The following NUBPL variants were observed in gnomAD, a reference collection of about 807,000 sequenced individuals.
NUBPL encodes iron-sulfur cluster transfer protein NUBPL.
In NUBPL, 31 loss-of-function variants were observed where a neutral mutation model predicts 45.7. The ratio of observed to expected loss-of-function variants is 0.68; its 90% CI spans 0.51 to 0.92. The LOEUF (loss-of-function observed/expected upper bound fraction) is 0.92, where lower values mean the gene tolerates loss of function less well. NUBPL is among the 40% of genes least tolerant of loss of function. The pLI, the probability that NUBPL is intolerant of heterozygous loss-of-function variation, is 0.00. For missense variants in NUBPL, 401 were observed against 398.7 expected (o/e 1.01, Z -0.05); for synonymous variants, 144 against 140.9 (o/e 1.02, Z -0.15).
At chr14:31,732,838 C>G (rs1017709139) in intron 6 of NUBPL, among the ~76,000 whole-genome samples, 4 of 152,088 alleles carry the variant, frequency 2.6e-5, no homozygotes, top group Admixed American at 2.6e-4. Context: ...TCTCGAACTC[C>G]TGACCTCAAA....
chr14:31,637,331 T>A (rs1436308521), intron 4 of NUBPL, among the ~76,000 whole-genome samples: 2 of 152,242 alleles, frequency 1.3e-5, no homozygotes, highest in Non-Finnish European at 1.5e-5. Flanking sequence ...TATTTCTACC[T>A]TCATTTCGTT....
chr14:31,705,920 G>C (rs2037440119), intron 6 of NUBPL, among the ~76,000 whole-genome samples: 1 of 152,176 alleles, frequency 6.6e-6, no homozygotes, highest in Non-Finnish European at 1.5e-5. Flanking sequence ...TGCTCACCTG[G>C]AACCCGCACT....
Position 31,787,842 on chromosome 14 carries a change from G to C in NUBPL, c.576G>C (p.Gln192His). The C allele has an allele frequency of 6.2e-7, 1 of 1,612,756 alleles. No individual in the cohort carries two copies. The highest frequency in any genetic ancestry group is 8.5e-7 in the Non-Finnish European group (1 of 1,178,826). Residue 192 changes from glutamine (Q) to histidine (H), a missense_variant, in exon 7 of 11, where the codon CAG (glutamine) becomes CAC (histidine). Physicochemically the swap from Gln to His is conservative, Grantham distance 24 (BLOSUM62 0). Transcript: ENST00000281081. ...TGCCACCAGGAACTGGAGATGTGCA[G>C]TTATCAGTCTCACAGAATATTCCTA... Reference protein sequence around the residue: ...VDMPPGTGDVQLSVSQNIPIT... With the variant: ...VDMPPGTGDVHLSVSQNIPIT...
intron 7 of NUBPL, among the ~76,000 whole-genome samples, chr14:31,820,954 C>G (rs934245956): frequency 1.3e-5 from 2 of 151,768 alleles, no homozygotes; most frequent in Non-Finnish European, 2.9e-5. Flanking sequence ...AACCCCATCT[C>G]TACTAAATAA....
At chr14:31,658,972 C>T (rs1265512700) in intron 4 of NUBPL, among the ~76,000 whole-genome samples, 1 of 152,084 alleles carries the variant, frequency 6.6e-6, no homozygotes, top group Non-Finnish European at 1.5e-5. Flanking sequence ...TAGAGGATAA[C>T]ATTTATTAAG....
At chr14:31,821,253 C>T (rs1451467894) in intron 7 of NUBPL, among the ~76,000 whole-genome samples, 1 of 152,052 alleles carries the variant, frequency 6.6e-6, no homozygotes, top group Non-Finnish European at 1.5e-5. Flanking sequence ...GAAGAAACGA[C>T]CCGGAAATGG....
At chr14:31,711,505 G>C (rs1027298913) in intron 6 of NUBPL, among the ~76,000 whole-genome samples, 4 of 152,076 alleles carry the variant, frequency 2.6e-5, no homozygotes, top group Non-Finnish European at 5.9e-5. Flanking sequence ...TAGTCTTACT[G>C]CTTGGCGATA....
chr14:31,682,379 TCTTTTA>T (rs1314044719), intron 6 of NUBPL, among the ~76,000 whole-genome samples: 1 of 152,180 alleles, frequency 6.6e-6, no homozygotes, highest in African/African-American at 2.4e-5. Flanking sequence ...ATGTTTTAAT[TCTTTTA>T]CTTTTAACCT....
chr14:31,761,306 C>A (rs2038804163), intron 6 of NUBPL, among the ~76,000 whole-genome samples: 1 of 152,146 alleles, frequency 6.6e-6, no homozygotes, highest in South Asian at 2.1e-4. Context: ...CCCACCTCAG[C>A]CTCCCAAGTA....
At chr14:31,750,303 G>C (rs1595578727) in intron 6 of NUBPL, among the ~76,000 whole-genome samples, 1 of 148,720 alleles carries the variant, frequency 6.7e-6, no homozygotes, top group East Asian at 2.0e-4. Flanking sequence ...GCCTCTCCGA[G>C]TAGCTGGGAC....
At chr14:31,813,219 C>A (rs1026109746) in intron 7 of NUBPL, among the ~76,000 whole-genome samples, 24 of 152,086 alleles carry the variant, frequency 1.6e-4, no homozygotes, top group African/African-American at 5.8e-4. Context: ...AATCTCCTGA[C>A]CTCATGATCT....
intron 4 of NUBPL, among the ~76,000 whole-genome samples, chr14:31,638,877 C>T (rs1486176528): frequency 5.9e-5 from 9 of 152,190 alleles, no homozygotes; most frequent in African/African-American, 2.2e-4. Context: ...TTGATCGGAT[C>T]GGCTCCTGAG....
chr14:31,634,133 A>G (rs2035420344), intron 4 of NUBPL, among the ~76,000 whole-genome samples: 1 of 151,876 alleles, frequency 6.6e-6, no homozygotes, highest in Admixed American at 6.6e-5. Context: ...CATGTACACA[A>G]TGTGCAGGTT....
intron 4 of NUBPL, among the ~76,000 whole-genome samples, chr14:31,634,877 T>G (rs907574671): frequency 3.3e-5 from 5 of 150,420 alleles, no homozygotes; most frequent in Non-Finnish European, 5.9e-5. Context: ...TTTGGCTGCA[T>G]AAATGTCTTC....
At chr14:31,693,732 G>T (rs993383858) in intron 6 of NUBPL, among the ~76,000 whole-genome samples, 23 of 143,234 alleles carry the variant, frequency 1.6e-4, no homozygotes, top group South Asian at 2.2e-4. Context: ...ATTAAGGAAT[G>T]AGGAACATTA....
At chr14:31,812,398 A>G (rs2039825705) in intron 7 of NUBPL, among the ~76,000 whole-genome samples, 1 of 152,142 alleles carries the variant, frequency 6.6e-6, no homozygotes, top group African/African-American at 2.4e-5. Context: ...TGGATCTGGG[A>G]CTAGCAGTGA....
intron 6 of NUBPL, among the ~76,000 whole-genome samples, chr14:31,720,938 C>T (rs1406394848): frequency 6.6e-6 from 1 of 152,124 alleles, no homozygotes; most frequent in African/African-American, 2.4e-5. Flanking sequence ...TTAAAGAGCC[C>T]TTGAATTCCT....
intron 4 of NUBPL, among the ~76,000 whole-genome samples, chr14:31,617,008 C>G (rs1213137667): frequency 6.6e-6 from 1 of 151,938 alleles, no homozygotes; most frequent in African/African-American, 2.4e-5. Flanking sequence ...AAGTTGTATT[C>G]CTAGGTATTT....
At chr14:31,646,485 G>A (rs1302588169) in intron 4 of NUBPL, among the ~76,000 whole-genome samples, 2 of 152,156 alleles carry the variant, frequency 1.3e-5, no homozygotes, top group East Asian at 1.9e-4. Context: ...ACCACGCTTG[G>A]CCATCAGGTT....
Sources: allele counts gnomAD v4.1 joint callset (sites outside exome capture counted in the v4.1 genomes callset), GRCh38; gene constraint gnomAD v4.1.1; transcripts MANE v1.5; gene names NCBI Gene and HGNC (gene_info 2026-07-23, HGNC 2026-07-21).